Variants in AGBL1 observed in about 807,000 individuals in gnomAD.
The protein encoded by AGBL1 is AGBL carboxypeptidase 1.
Under a neutral mutation model 118.9 loss-of-function variants are expected in AGBL1, and 130 were observed. The ratio of observed to expected loss-of-function variants is 1.09; its 90% CI spans 0.95 to 1.26. The LOEUF (loss-of-function observed/expected upper bound fraction) is 1.26. Ranked by LOEUF, AGBL1 falls within the 50% of genes most tolerant of loss-of-function variation. The pLI, the probability that AGBL1 is intolerant of heterozygous loss-of-function variation, is 0.00. For synonymous variants in AGBL1, 555 were observed against 478.9 expected (o/e 1.16, Z -2.08); for missense variants, 1,584 against 1,298.1 (o/e 1.22, Z -3.38).
At chr15:86,111,682 A>C (rs911075027) in intron 1 of AGBL1, among the ~76,000 whole-genome samples, 1 of 152,188 alleles carries the variant, frequency 6.6e-6, no homozygotes, top group African/African-American at 2.4e-5. Context: ...GTGTAGTATC[A>C]AAAGGCATGC....
chr15:86,163,113 C>T (rs1232029855), intron 5 of AGBL1, among the ~76,000 whole-genome samples: 2 of 152,204 alleles, frequency 1.3e-5, no homozygotes, highest in Non-Finnish European at 2.9e-5. Flanking sequence ...CCTCCTAGCC[C>T]AGCGCCTAGA....
At chr15:86,315,868 A>C (rs896337938) in intron 17 of AGBL1, among the ~76,000 whole-genome samples, 4 of 152,198 alleles carry the variant, frequency 2.6e-5, no homozygotes, top group Non-Finnish European at 4.4e-5. Flanking sequence ...AAAGGGAAGG[A>C]TATAGCCTTT....
intron 17 of AGBL1, among the ~76,000 whole-genome samples, chr15:86,396,591 AG>A (rs2081368294): frequency 6.6e-6 from 1 of 152,140 alleles, no homozygotes; most frequent in African/African-American, 2.4e-5. Context: ...GGAATTCCAA[AG>A]ATACTGCTTC....
intron 22 of AGBL1, among the ~76,000 whole-genome samples, chr15:86,685,852 G>A (rs28434174): frequency 0.027 from 4,085 of 152,182 alleles, 184 homozygotes; most frequent in African/African-American, 0.093. Flanking sequence ...TTTCCAGGAT[G>A]AAGTGGAAAA....
chr15:86,163,328 C>T (rs960193045), intron 5 of AGBL1, among the ~76,000 whole-genome samples: 31 of 152,174 alleles, frequency 2.0e-4, no homozygotes, highest in African/African-American at 7.5e-4. Flanking sequence ...ACTCAGGAGG[C>T]TGAGGTGGGA....
At chr15:86,870,488 A>AAAAAAAAAAAAAAAAAAAAAAAAAAG (rs2079709868) in intron 22 of AGBL1, among the ~76,000 whole-genome samples, 1 of 115,212 alleles carries the variant, frequency 8.7e-6, no homozygotes, top group Non-Finnish European at 1.9e-5. Context: ...AAAAAAAAAA[A>AAAAAAAAAAAAAAAAAAAAAAAAAAG]AAAAAAAAGA....
At chr15:86,703,257 A>G (rs2086391306) in intron 22 of AGBL1, among the ~76,000 whole-genome samples, 1 of 152,134 alleles carries the variant, frequency 6.6e-6, no homozygotes, top group South Asian at 2.1e-4. Context: ...CATCAAGAAA[A>G]CAGTTTGGAT....
At chr15:86,468,911 G>T (rs2082441610) in intron 18 of AGBL1, among the ~76,000 whole-genome samples, 2 of 152,042 alleles carry the variant, frequency 1.3e-5, no homozygotes, top group South Asian at 4.1e-4. Context: ...GTAGGCAGAG[G>T]GGCCTATGAT....
chr15:86,852,020 A>T (rs557374237), intron 22 of AGBL1, among the ~76,000 whole-genome samples: 1 of 152,154 alleles, frequency 6.6e-6, no homozygotes, highest in South Asian at 2.1e-4. Context: ...GAACTACTAC[A>T]TAAACACTGT....
intron 22 of AGBL1, among the ~76,000 whole-genome samples, chr15:86,834,224 C>T (rs140950024): frequency 5.3e-5 from 8 of 152,170 alleles, no homozygotes; most frequent in Non-Finnish European, 8.8e-5. Context: ...ACCACGGTAT[C>T]CCAATAATAG....
chr15:86,460,569 C>G (rs1319427980), intron 18 of AGBL1, among the ~76,000 whole-genome samples: 1 of 152,028 alleles, frequency 6.6e-6, no homozygotes, highest in Non-Finnish European at 1.5e-5. Context: ...ATACAGCTTC[C>G]CAGGTTCCCA....
rs114868118 is a variant in AGBL1, at chr15:86,624,846, G to T, written c.2995-49427G>T. On this transcript the variant is annotated intron_variant, in intron 21 of 22. Coordinates refer to ENST00000614907, the MANE Select transcript of AGBL1 (RefSeq NM_001386094.1). ...CCAGCAGCTTGTCGTTCCCTCTCCT[G>T]CCCACATTGCCAAGTGAGTCAGCCC... is the stretch of plus-strand genomic sequence containing the variant. Among the ~76,000 whole-genome samples the T allele has an allele frequency of 4.9e-3, 749 of 152,238 alleles. 6 individuals are homozygous for T. The highest frequency in any genetic ancestry group is 0.017 in the East Asian group (90 of 5,178).
intron 7 of AGBL1, among the ~76,000 whole-genome samples, chr15:86,254,425 C>T (rs1323345728): frequency 6.6e-6 from 1 of 152,230 alleles, no homozygotes; most frequent in Non-Finnish European, 1.5e-5. Flanking sequence ...TGTAGTCTGG[C>T]TCCAGGACCT....
rs115594104 is a variant in AGBL1 at position 86,877,941 on chromosome 15, G to A, written c.3159-29146G>A. 5.0e-3 allele frequency among the ~76,000 whole-genome samples: 763 copies of A among 152,162 alleles called. 11 individuals carry two copies. The highest frequency in any genetic ancestry group is 0.017 in the African/African-American group (707 of 41,522). On this transcript the variant is annotated intron_variant, in intron 22 of 22. Transcript: ENST00000614907. Reference sequence around the variant, plus strand: ...ATGACACATGTCTGTGTTTTAAAACGGAGTTACCCCCATCATGGATAACCC... The same window carrying A: ...ATGACACATGTCTGTGTTTTAAAACAGAGTTACCCCCATCATGGATAACCC...
intron 18 of AGBL1, among the ~76,000 whole-genome samples, chr15:86,431,492 C>A (rs978261679): frequency 3.3e-5 from 5 of 152,198 alleles, no homozygotes; most frequent in African/African-American, 1.2e-4. Flanking sequence ...GTATCCCAAC[C>A]TTTGCGCTAA....
intron 6 of AGBL1, among the ~76,000 whole-genome samples, chr15:86,229,816 T>C (rs1306868831): frequency 6.6e-6 from 1 of 152,238 alleles, no homozygotes; most frequent in African/African-American, 2.4e-5. Flanking sequence ...CTTCAAATAA[T>C]GTCTTAGTAT....
chr15:86,362,671 G>A (rs1317132468), intron 17 of AGBL1, among the ~76,000 whole-genome samples: 1 of 152,196 alleles, frequency 6.6e-6, no homozygotes, highest in East Asian at 1.9e-4. Flanking sequence ...GGGAGGGCCT[G>A]CCACAAGAAG....
intron 22 of AGBL1, among the ~76,000 whole-genome samples, chr15:86,766,197 G>C (rs1046973101): frequency 6.6e-6 from 1 of 151,824 alleles, no homozygotes; most frequent in Non-Finnish European, 1.5e-5. Flanking sequence ...CAAATGAGTG[G>C]AGCCAAGAGT....
intron 23 of AGBL1, among the ~76,000 whole-genome samples, chr15:86,921,582 T>C (rs1362993031): frequency 6.6e-6 from 1 of 152,152 alleles, no homozygotes; most frequent in African/African-American, 2.4e-5. Context: ...AAACTCAATA[T>C]TTTCTTTTAT....
Sources: allele counts gnomAD v4.1 joint callset (sites outside exome capture counted in the v4.1 genomes callset), GRCh38; gene constraint gnomAD v4.1.1; transcripts MANE v1.5; gene names NCBI Gene and HGNC (gene_info 2026-07-23, HGNC 2026-07-21).